The following CDH23 variants were observed in gnomAD, a reference collection of about 807,000 sequenced individuals.
CDH23 encodes the protein cadherin-23.
Under a neutral mutation model 317.1 loss-of-function variants are expected in CDH23, and 189 were observed. The observed-to-expected ratio is 0.60, with a 90% confidence interval of 0.53 to 0.67. The LOEUF (loss-of-function observed/expected upper bound fraction) is 0.67, where lower values mean the gene tolerates loss of function less well. Among genes scored for constraint, CDH23 ranks in the 30% least tolerant of loss-of-function variants. The pLI is 0.00. For synonymous variants in CDH23, 1,839 were observed against 1,876.8 expected (o/e 0.98, Z 0.52); for missense variants, 4,401 against 4,592.4 (o/e 0.96, Z 1.20).
intron 1 of CDH23, among the ~76,000 whole-genome samples, chr10:71,429,833 A>G (rs1213115619): frequency 2.6e-5 from 4 of 152,200 alleles, no homozygotes; most frequent in Non-Finnish European, 5.9e-5. Context: ...GAGATGAAGT[A>G]GACTCTGCTT....
intron 21 of CDH23, 116 bp from the exon 22 acceptor site, chr10:71,695,302 C>G (rs1283536442): frequency 1.3e-6 from 1 of 758,580 alleles, no homozygotes; most frequent in Non-Finnish European, 2.3e-6. Flanking sequence ...GTTGGTGGAG[C>G]TGGCAGAATT....
chr10:71,530,290 G>A (rs1394790313), intron 6 of CDH23, among the ~76,000 whole-genome samples: 1 of 152,204 alleles, frequency 6.6e-6, no homozygotes, highest in African/African-American at 2.4e-5. Context: ...GGCTGGGTGA[G>A]GAGAGAGAGG....
rs1485082029 is a variant in CDH23 at position 71,701,412 on chromosome 10, C to T, written c.2398-610C>T. 2.6e-5 allele frequency among the ~76,000 whole-genome samples: 4 copies of T among 152,230 alleles called. No individual in the cohort carries two copies. In the East Asian group the frequency reaches 5.8e-4, roughly 22 times the overall value. On this transcript the variant is annotated intron_variant, in intron 22 of 69. Coordinates refer to ENST00000224721, the MANE Select transcript of CDH23 (RefSeq NM_022124.6). Reference sequence around the variant, plus strand: ...AGGGACAGCAGGCTGTGGGGTTCACCGCCCCTGGGTTAGGATGGCACTGAG... The same window carrying T: ...AGGGACAGCAGGCTGTGGGGTTCACTGCCCCTGGGTTAGGATGGCACTGAG...
In CDH23 at chr10:71,712,732, T is replaced by A. The variant is rs1418375672; in HGVS notation, c.3288T>A (p.Asn1096Lys). The A allele has an allele frequency of 3.1e-6, 5 of 1,613,718 alleles. No individual in the cohort carries two copies. The highest frequency in any genetic ancestry group is 4.2e-6 in the Non-Finnish European group (5 of 1,179,858). Residue 1096 changes from asparagine to lysine, a missense_variant, in exon 28 of 70, where the codon AAT (asparagine) becomes AAA (lysine). Asn to Lys is a moderately conservative substitution (Grantham distance 94). Around this residue, in one of 3 missense-constraint regions of CDH23, gnomAD observed 3,068 missense variants for 3,203.3 expected, o/e 0.96. Coordinates refer to ENST00000224721, the MANE Select transcript of CDH23 (RefSeq NM_022124.6). ...ATVFVTVLDV[N>K]DNRPIFLQSS... Reference sequence around the variant, plus strand: ...TGTTCGTCACTGTCCTGGATGTGAATGACAACCGGCCCATCTTTCTGCAGA... The same window carrying A: ...TGTTCGTCACTGTCCTGGATGTGAAAGACAACCGGCCCATCTTTCTGCAGA...
intron 21 of CDH23, among the ~76,000 whole-genome samples, chr10:71,694,713 G>A (rs1027154785): frequency 2.6e-5 from 4 of 152,128 alleles, no homozygotes; most frequent in African/African-American, 7.2e-5. Flanking sequence ...GGAACGAAAC[G>A]TGGGGGCCTC....
At chr10:71,775,795 G>T (rs1395439127) in intron 38 of CDH23, among the ~76,000 whole-genome samples, 1 of 152,174 alleles carries the variant, frequency 6.6e-6, no homozygotes, top group Non-Finnish European at 1.5e-5. Context: ...TAAAAATAGT[G>T]GTGAAGGCCC....
intron 38 of CDH23, among the ~76,000 whole-genome samples, chr10:71,745,770 C>T (rs187250374): frequency 1.8e-4 from 28 of 152,336 alleles, no homozygotes; most frequent in African/African-American, 6.5e-4. Context: ...GGAGCATTGT[C>T]CCAGCCCCTC....
At chr10:71,479,431 G>A (rs1040242019) in intron 3 of CDH23, among the ~76,000 whole-genome samples, 1 of 152,160 alleles carries the variant, frequency 6.6e-6, no homozygotes, top group Non-Finnish European at 1.5e-5. Flanking sequence ...AGGAGTGAGA[G>A]GGGAAGGGAC....
rs773105137 is a variant in CDH23 at position 71,712,727 on chromosome 10, G to A, written c.3283G>A (p.Val1095Met). ...TATVFVTVLDVNDNRPIFLQS... is the reference protein window; with the variant it reads ...TATVFVTVLDMNDNRPIFLQS... ...CACCGTGTTCGTCACTGTCCTGGAT[G>A]TGAATGACAACCGGCCCATCTTTCT... The change falls in exon 28 of 70, where the codon GTG (valine) becomes ATG (methionine). Residue 1095 changes from valine to methionine, a missense_variant. Physicochemically the swap from Val to Met is conservative, Grantham distance 21. Around this residue, in one of 3 missense-constraint regions of CDH23, gnomAD observed 3,068 missense variants for 3,203.3 expected, o/e 0.96. Coordinates refer to ENST00000224721, the MANE Select transcript of CDH23 (RefSeq NM_022124.6). 8 of 1,613,642 alleles carry A rather than the reference G, an allele frequency of 5.0e-6. No homozygotes were observed. In the African/African-American group the frequency reaches 1.1e-4, roughly 22 times the overall value.
chr10:71,716,856 A>G (rs1866274203), intron 28 of CDH23: 1 of 152,842 alleles, frequency 6.5e-6, no homozygotes, highest in Non-Finnish European at 1.5e-5. Flanking sequence ...TATTTTCAAA[A>G]TAATAACAGA....
At chr10:71,545,412 A>G (rs1209882029) in intron 6 of CDH23, among the ~76,000 whole-genome samples, 1 of 152,206 alleles carries the variant, frequency 6.6e-6, no homozygotes, top group East Asian at 1.9e-4. Context: ...GGTTGTCGTC[A>G]TCAATGAGCC....
At chr10:71,419,550 C>T (rs913491165) in intron 1 of CDH23, among the ~76,000 whole-genome samples, 1 of 152,132 alleles carries the variant, frequency 6.6e-6, no homozygotes, top group African/African-American at 2.4e-5. Flanking sequence ...CCTAATTTCC[C>T]CCTAACATTT....
rs1589219916 is a variant in CDH23, at chr10:71,570,797, A to G, written c.632A>G (p.Asp211Gly). ...TTCTCTCCGCTCTCTAAGGATCAAG[A>G]CAAGACCAGGCCTCTGTCCACCCTG... ...YQLTVNATDQ[D>G]KTRPLSTLAN... The change falls in exon 8 of 70, where the codon GAC becomes GGC. Residue 211 changes from aspartate to glycine, a missense_variant. By Grantham distance (94) the Asp-to-Gly change is moderately conservative (BLOSUM62 -1). Transcript: ENST00000224721. 1 of 1,611,420 alleles carries G rather than the reference A, an allele frequency of 6.2e-7. No homozygotes were observed.
chr10:71,781,389 T>G (rs1394574276), intron 41 of CDH23, among the ~76,000 whole-genome samples: 2 of 152,200 alleles, frequency 1.3e-5, no homozygotes, highest in African/African-American at 4.8e-5. Context: ...AGCAAGGGCC[T>G]TTCTCTTCTG....
In CDH23 at chr10:71,712,769, G is replaced by T. The variant is rs1303572747; in HGVS notation, c.3325G>T (p.Ala1109Ser). The T allele has an allele frequency of 6.2e-7, 1 of 1,613,172 alleles. No individual in the cohort carries two copies. The highest frequency in any genetic ancestry group is 2.2e-5 in the East Asian group (1 of 44,878). The change falls in exon 28 of 70, where the codon GCC (alanine) becomes TCC (serine). Residue 1109 changes from alanine (A) to serine (S), a missense_variant. Ala to Ser is a moderately conservative substitution (Grantham distance 99). Transcript: ENST00000224721. ...CATCTTTCTGCAGAGCAGCTATGAG[G>T]CCAGCGTCCCTGAGGACATCCCTGA... is the stretch of plus-strand genomic sequence containing the variant. ...RPIFLQSSYE[A>S]SVPEDIPEGH...
chr10:71,550,133 T>C (rs7910896), intron 6 of CDH23, among the ~76,000 whole-genome samples: 104,620 of 152,114 alleles, frequency 0.69, 37,026 homozygotes, highest in East Asian at 0.94. Context: ...CTCTCTACAC[T>C]TGTTTCTCCT....
In CDH23 at chr10:71,451,694, C is replaced by A. The variant is rs563261075; in HGVS notation, c.145+5299C>A. 5.9e-5 allele frequency among the ~76,000 whole-genome samples: 9 copies of A among 152,308 alleles called. No homozygotes were observed. The South Asian group carries it at 1.9e-3, about 32-fold the overall frequency. ...GGGCCTGGCCATCCTCTCTGTTAGC[C>A]CCATGGAGATGCTGCTGTTACTCAG... On this transcript the variant is annotated intron_variant, in intron 3 of 69. Coordinates refer to ENST00000224721, the MANE Select transcript of CDH23 (RefSeq NM_022124.6).
In CDH23 at chr10:71,810,288, T is replaced by C. The variant is rs532200205; in HGVS notation, c.8980-184T>C. Among the ~76,000 whole-genome samples, 7 of 152,320 alleles carry C rather than the reference T, an allele frequency of 4.6e-5. No homozygotes were observed. In the East Asian group the frequency reaches 7.7e-4, roughly 17 times the overall value. On this transcript the variant is annotated intron_variant, in intron 61 of 69. Coordinates refer to ENST00000224721, the MANE Select transcript of CDH23 (RefSeq NM_022124.6). Reference sequence around the variant, plus strand: ...TCCATAAAATGGGGCCAATAATAAATAGTACCTGGCCAAGTGTGGATGAAG... The same window carrying C: ...TCCATAAAATGGGGCCAATAATAAACAGTACCTGGCCAAGTGTGGATGAAG...
At position 71,679,438 on chromosome 10, in the gene CDH23, A is replaced by G; in HGVS notation, c.1804A>G (p.Ser602Gly). 6.2e-7 allele frequency: 1 copy of G among 1,613,718 alleles called. No homozygotes were observed. The highest frequency in any genetic ancestry group is 8.5e-7 in the Non-Finnish European group (1 of 1,179,770). ...PNNQITYSIV[S>G]ASAFGSYFDI... ...CAACCAGATCACCTACAGCATTGTC[A>G]GTGCATCTGCCTTTGGCAGCTACTT... The change falls in exon 17 of 70, where the codon AGT becomes GGT. Residue 602 changes from serine (S) to glycine (G), a missense_variant. Coordinates refer to ENST00000224721, the MANE Select transcript of CDH23 (RefSeq NM_022124.6).
Sources: allele counts gnomAD v4.1 joint callset (sites outside exome capture counted in the v4.1 genomes callset), GRCh38; gene constraint gnomAD v4.1.1; regional missense constraint gnomAD v4.1.1; transcripts MANE v1.5; gene names NCBI Gene and HGNC (gene_info 2026-07-23, HGNC 2026-07-21).